The following GALNTL6 variants were observed in gnomAD, a reference collection of about 807,000 sequenced individuals.
GALNTL6 encodes the protein polypeptide N-acetylgalactosaminyltransferase like 6.
In GALNTL6, 46 loss-of-function variants were observed where a neutral mutation model predicts 73.7. The ratio of observed to expected loss-of-function variants is 0.62; its 90% CI spans 0.49 to 0.80. The LOEUF (loss-of-function observed/expected upper bound fraction) is 0.80, where lower values mean the gene tolerates loss of function less well. GALNTL6 is among the 30% of genes least tolerant of loss of function. GALNTL6 has a pLI of 0.00. For synonymous variants in GALNTL6, 259 were observed against 263.7 expected, an observed-to-expected ratio of 0.98 and a Z score of 0.17; for missense variants, 604 against 755.0, an observed-to-expected ratio of 0.80 and a Z score of 2.34.
chr4:172,970,942 T>C (rs536275047), intron 10 of GALNTL6, among the ~76,000 whole-genome samples: 10 of 152,314 alleles, frequency 6.6e-5, no homozygotes, highest in African/African-American at 2.4e-4. Flanking sequence ...TGTTCAGAGA[T>C]TGCAGTAAAG....
chr4:172,286,429 G>A (rs1739254484), intron 3 of GALNTL6, among the ~76,000 whole-genome samples: 1 of 152,108 alleles, frequency 6.6e-6, no homozygotes, highest in South Asian at 2.1e-4. Context: ...AGGATGAGGA[G>A]GGAGGATGGA....
In GALNTL6 at chr4:172,153,223, G is replaced by A. The variant is rs551588212; in HGVS notation, c.139-76433G>A. ...ATTTTGGAAAGAAGAGCGGAAACTC[G>A]TAGTAAAAGGGCTTACTGTTTTACC... On this transcript the variant is annotated intron_variant, in intron 2 of 12. Transcript: ENST00000506823. Among the ~76,000 whole-genome samples the A allele has an allele frequency of 2.0e-4, 30 of 152,276 alleles. 1 individual carries two copies. Among genetic ancestry groups the A allele is most frequent in the South Asian group, 1.7e-3 (8 of 4,818 alleles).
intron 10 of GALNTL6, among the ~76,000 whole-genome samples, chr4:173,000,542 T>C (rs1292777285): frequency 2.0e-5 from 3 of 152,106 alleles, no homozygotes; most frequent in African/African-American, 4.8e-5. Context: ...TTTGTGAAAA[T>C]AGAAAAACCC....
At chr4:172,741,172 A>G (rs183834029) in intron 5 of GALNTL6, among the ~76,000 whole-genome samples, 179 of 152,240 alleles carry the variant, frequency 1.2e-3, no homozygotes, top group Non-Finnish European at 5.4e-4. Flanking sequence ...TCCTTGGGCT[A>G]AAGAAAAATG....
At chr4:172,629,730 G>A (rs746128864) in intron 5 of GALNTL6, among the ~76,000 whole-genome samples, 13 of 152,254 alleles carry the variant, frequency 8.5e-5, no homozygotes, top group African/African-American at 3.1e-4. Flanking sequence ...AGATAGAAAT[G>A]AAGGCTGAGC....
At chr4:172,239,792 G>T (rs1361572554) in intron 3 of GALNTL6, among the ~76,000 whole-genome samples, 1 of 152,092 alleles carries the variant, frequency 6.6e-6, no homozygotes, top group Non-Finnish European at 1.5e-5. Flanking sequence ...GTGCTGATAA[G>T]AATGTGTATT....
chr4:172,524,046 A>G (rs1039868026), intron 5 of GALNTL6, among the ~76,000 whole-genome samples: 4 of 152,134 alleles, frequency 2.6e-5, no homozygotes, highest in Admixed American at 1.3e-4. Context: ...TATCCTGAAT[A>G]TGTTTATAGT....
At chr4:172,284,181 A>G (rs778644038) in intron 3 of GALNTL6, among the ~76,000 whole-genome samples, 50 of 152,212 alleles carry the variant, frequency 3.3e-4, no homozygotes, top group Admixed American at 4.6e-4. Context: ...TAGAAAAAAA[A>G]TAGGCTAAGA....
intron 5 of GALNTL6, chr4:172,380,312 G>C: frequency 1.4e-6 from 1 of 737,566 alleles, no homozygotes; most frequent in Non-Finnish European, 2.5e-6. Context: ...GTATTCTTCT[G>C]GAAGAAATAG....
At chr4:172,057,532 TA>T (rs5864113) in intron 2 of GALNTL6, among the ~76,000 whole-genome samples, 145,557 of 148,116 alleles carry the variant, frequency 0.98, 71,569 homozygotes, top group Middle Eastern at 1. Context: ...CTACAAAAAG[TA>T]AAAAAATAAA....
intron 2 of GALNTL6, among the ~76,000 whole-genome samples, chr4:171,933,297 A>G (rs1738243300): frequency 6.6e-6 from 1 of 152,212 alleles, no homozygotes; most frequent in South Asian, 2.1e-4. Flanking sequence ...TCTGTTTTTC[A>G]ATAAGTATAA....
intron 5 of GALNTL6, among the ~76,000 whole-genome samples, chr4:172,429,059 C>A (rs1281585402): frequency 6.6e-6 from 1 of 151,976 alleles, no homozygotes; most frequent in African/African-American, 2.4e-5. Flanking sequence ...ACTGTCTTCA[C>A]CTAGTGGAAG....
intron 10 of GALNTL6, among the ~76,000 whole-genome samples, chr4:172,965,276 C>A (rs544715149): frequency 7.2e-5 from 11 of 152,210 alleles, no homozygotes; most frequent in African/African-American, 2.6e-4. Flanking sequence ...TGAAGACAAA[C>A]CTAAAGTGTC....
intron 2 of GALNTL6, among the ~76,000 whole-genome samples, chr4:172,215,498 G>T (rs942576659): frequency 6.6e-6 from 1 of 152,050 alleles, no homozygotes; most frequent in Admixed American, 6.5e-5. Context: ...CTCTCTTCTT[G>T]TGAAGTCTGA....
At chr4:172,136,092 A>C (rs1733629455) in intron 2 of GALNTL6, among the ~76,000 whole-genome samples, 1 of 152,138 alleles carries the variant, frequency 6.6e-6, no homozygotes, top group South Asian at 2.1e-4. Context: ...CTCATACAAA[A>C]GTTTCAATAA....
chr4:172,685,635 A>G (rs984622347), intron 5 of GALNTL6, among the ~76,000 whole-genome samples: 1 of 152,122 alleles, frequency 6.6e-6, no homozygotes, highest in Non-Finnish European at 1.5e-5. Flanking sequence ...TTCTATAACC[A>G]TCTCATCCAC....
chr4:172,876,840 A>T lies in GALNTL6; in HGVS notation c.924-5950A>T, dbSNP rs182226024. Among the ~76,000 whole-genome samples the T allele has an allele frequency of 5.5e-3, 832 of 152,294 alleles. 9 individuals carry two copies. Among genetic ancestry groups the T allele is most frequent in the African/African-American group, 0.018 (758 of 41,538 alleles). Reference sequence around the variant, plus strand: ...AACCTGAAATATCATTTTACTCCACAATTGAATTCTAGTTGAAAATAATTA... The same window carrying T: ...AACCTGAAATATCATTTTACTCCACTATTGAATTCTAGTTGAAAATAATTA... On this transcript the variant is annotated intron_variant, in intron 7 of 12. Coordinates refer to ENST00000506823, the MANE Select transcript of GALNTL6 (RefSeq NM_001034845.3).
intron 2 of GALNTL6, among the ~76,000 whole-genome samples, chr4:172,008,301 T>C (rs1022658285): frequency 6.6e-6 from 1 of 152,140 alleles, no homozygotes; most frequent in African/African-American, 2.4e-5. Context: ...AAAGTCTCTG[T>C]ATGTTTTTGC....
At chr4:172,307,469 T>C (rs1290588126) in intron 3 of GALNTL6, among the ~76,000 whole-genome samples, 1 of 152,220 alleles carries the variant, frequency 6.6e-6, no homozygotes, top group Non-Finnish European at 1.5e-5. Context: ...TTTTATCTTC[T>C]AGAATTTTTA....
Sources: gnomAD v4.1 joint callset for allele counts (sites outside exome capture counted in the v4.1 genomes callset) on GRCh38, gnomAD v4.1.1 for gene constraint, MANE v1.5 for transcripts, NCBI Gene and HGNC (gene_info 2026-07-23, HGNC 2026-07-21) for gene names.